Variants in SYT1 observed in about 807,000 individuals in gnomAD.
The protein encoded by SYT1 is synaptotagmin-1.
Under a neutral mutation model 44.8 loss-of-function variants are expected in SYT1, and 8 were observed. That is an observed-to-expected ratio of 0.18 (90% CI 0.10 to 0.32). The LOEUF is 0.32. Ranked by LOEUF, SYT1 falls within the 10% of genes least tolerant of loss-of-function variation. The pLI is 1.00. For synonymous variants in SYT1, 154 were observed against 188.8 expected (o/e 0.82, Z 1.51); for missense variants, 286 against 509.3 (o/e 0.56, Z 4.22).
At chr12:79,136,623 C>G (rs1323757681) in intron 3 of SYT1, among the ~76,000 whole-genome samples, 2 of 152,090 alleles carry the variant, frequency 1.3e-5, no homozygotes, top group African/African-American at 4.8e-5. Flanking sequence ...ATAAAAATGA[C>G]TAATGCAACT....
intron 3 of SYT1, among the ~76,000 whole-genome samples, chr12:79,195,659 A>G (rs1004051211): frequency 6.6e-6 from 1 of 152,212 alleles, no homozygotes; most frequent in Non-Finnish European, 1.5e-5. Context: ...TGGGGAGGAA[A>G]GAGGATGCCC....
At position 79,308,107 on chromosome 12, in the gene SYT1, A is replaced by G. The variant is rs114522102; in HGVS notation, c.810+8556A>G. 8.4e-3 allele frequency among the ~76,000 whole-genome samples: 1,284 copies of G among 152,342 alleles called. 13 individuals are homozygous for G. Among genetic ancestry groups the G allele is most frequent in the African/African-American group, 0.029 (1,213 of 41,580 alleles). Reference sequence around the variant, plus strand: ...ATCTTCCTCCTGAAACACCTGGAACAGAGGACAGAGGCAAGAACTCGAAGA... The same window carrying G: ...ATCTTCCTCCTGAAACACCTGGAACGGAGGACAGAGGCAAGAACTCGAAGA... On this transcript the variant is annotated intron_variant, in intron 8 of 10. Coordinates refer to ENST00000261205, the MANE Select transcript of SYT1 (RefSeq NM_005639.3).
At chr12:79,285,345 A>G (rs892208331) in intron 4 of SYT1, among the ~76,000 whole-genome samples, 1 of 152,204 alleles carries the variant, frequency 6.6e-6, no homozygotes, top group Non-Finnish European at 1.5e-5. Context: ...TTTAATACTC[A>G]GAAAGATCTA....
intron 4 of SYT1, among the ~76,000 whole-genome samples, chr12:79,254,708 T>C (rs1877419122): frequency 6.6e-6 from 1 of 152,182 alleles, no homozygotes; most frequent in South Asian, 2.1e-4. Context: ...TCATGATTCA[T>C]AGGAGGTCAA....
At chr12:79,360,965 G>C (rs1883295494) in intron 9 of SYT1, among the ~76,000 whole-genome samples, 1 of 152,182 alleles carries the variant, frequency 6.6e-6, no homozygotes, top group African/African-American at 2.4e-5. Flanking sequence ...AAAAGTTTTA[G>C]AGAAATGAGC....
At chr12:78,892,557 C>T (rs1448756940) in intron 1 of SYT1, among the ~76,000 whole-genome samples, 1 of 151,512 alleles carries the variant, frequency 6.6e-6, no homozygotes, top group African/African-American at 2.4e-5. Flanking sequence ...GGAGCCGCCC[C>T]GATCAAATTT....
intron 3 of SYT1, among the ~76,000 whole-genome samples, chr12:79,148,026 G>GA (rs11390201): frequency 0.044 from 6,739 of 151,572 alleles, 337 homozygotes; most frequent in East Asian, 0.21. Flanking sequence ...AAACATTAAT[G>GA]AAAAAAAAGA....
chr12:79,340,298 A>C (rs11113802), intron 8 of SYT1, among the ~76,000 whole-genome samples: 12,221 of 152,190 alleles, frequency 0.08, 1,177 homozygotes, highest in African/African-American at 0.24. Context: ...CTTCCTGTCC[A>C]TGAACATGGA....
chr12:78,987,570 C>T (rs1869732307), intron 2 of SYT1, among the ~76,000 whole-genome samples: 1 of 152,016 alleles, frequency 6.6e-6, no homozygotes. Flanking sequence ...ACCCATGAGG[C>T]TACACATGAC....
At chr12:79,042,540 T>C (rs1164364324) in intron 2 of SYT1, among the ~76,000 whole-genome samples, 8 of 144,574 alleles carry the variant, frequency 5.5e-5, no homozygotes, top group South Asian at 2.3e-4. Flanking sequence ...GTCTTGCTAG[T>C]GGTCTATCAA....
intron 2 of SYT1, among the ~76,000 whole-genome samples, chr12:79,045,068 C>G (rs980139711): frequency 6.6e-6 from 1 of 152,080 alleles, no homozygotes; most frequent in Non-Finnish European, 1.5e-5. Context: ...TTACTGCTGT[C>G]TTTTTGTTTG....
At chr12:79,273,750 G>T (rs1878560034) in intron 4 of SYT1, among the ~76,000 whole-genome samples, 1 of 152,196 alleles carries the variant, frequency 6.6e-6, no homozygotes, top group Non-Finnish European at 1.5e-5. Context: ...TCCTCCAAAA[G>T]TTGGCAAGTT....
chr12:78,966,792 A>G (rs1868259537), intron 1 of SYT1, among the ~76,000 whole-genome samples: 1 of 152,172 alleles, frequency 6.6e-6, no homozygotes, highest in African/African-American at 2.4e-5. Context: ...AGCATACCAA[A>G]AAGTTAATAT....
intron 9 of SYT1, among the ~76,000 whole-genome samples, chr12:79,418,018 CT>C (rs1215258674): frequency 1.3e-5 from 2 of 149,984 alleles, no homozygotes; most frequent in Non-Finnish European, 3.0e-5. Flanking sequence ...GTGAAAAACT[CT>C]CCTGCAAAGC....
rs1565697998 is a variant in SYT1 at position 78,876,909 on chromosome 12, T to TATAATACGTATAATATATTATAC, written c.-217+11800_-217+11801insATAATACGTATAATATATTATAC. Among the ~76,000 whole-genome samples, 185 of 90,234 alleles carry TATAATACGTATAATATATTATAC rather than the reference T, an allele frequency of 2.1e-3. 4 individuals carry two copies. The highest frequency in any genetic ancestry group is 6.2e-3 in the African/African-American group (166 of 26,668). The allele number at this position is 90,234 out of a possible 152,430, so 59.2% of individuals were successfully genotyped here. A position where few individuals can be genotyped will look rare whatever the true frequency, so the allele number is the denominator to read the frequency against. On this transcript the variant is annotated intron_variant, in intron 1 of 10. Transcript: ENST00000261205. ...TATATAATATATATTATATATTATA[T>TATAATACGTATAATATATTATAC]GTATTATATATAATATATATTATAT...
At chr12:79,118,036 C>A (rs1303440404) in intron 3 of SYT1, among the ~76,000 whole-genome samples, 1 of 151,970 alleles carries the variant, frequency 6.6e-6, no homozygotes, top group African/African-American at 2.4e-5. Flanking sequence ...GAGAAAGGAA[C>A]CCCTTGGTCC....
intron 2 of SYT1, among the ~76,000 whole-genome samples, chr12:79,047,090 C>G (rs770081142): frequency 6.6e-6 from 1 of 151,794 alleles, no homozygotes; most frequent in Admixed American, 6.6e-5. Flanking sequence ...CACAGACTCT[C>G]AATCTCTAGC....
chr12:78,897,645 A>G (rs1875435684), intron 1 of SYT1, among the ~76,000 whole-genome samples: 1 of 152,064 alleles, frequency 6.6e-6, no homozygotes, highest in Non-Finnish European at 1.5e-5. Flanking sequence ...ATCTATATAT[A>G]ACTTATTAAG....
intron 3 of SYT1, among the ~76,000 whole-genome samples, chr12:79,194,986 T>A (rs1873366312): frequency 6.6e-6 from 1 of 152,170 alleles, no homozygotes; most frequent in African/African-American, 2.4e-5. Context: ...TAAACTTTAA[T>A]AACACAAATT....
Sources: gnomAD v4.1 joint callset for allele counts (sites outside exome capture counted in the v4.1 genomes callset) on GRCh38, gnomAD v4.1.1 for gene constraint, MANE v1.5 for transcripts, NCBI Gene and HGNC (gene_info 2026-07-23, HGNC 2026-07-21) for gene names.